INSYN1: variants seen among roughly 807,000 people sequenced by gnomAD.
INSYN1 encodes inhibitory synaptic factor 1.
INSYN1 carries 7 observed loss-of-function variants against 17.1 expected under a neutral mutation model. The observed-to-expected ratio is 0.41, with a 90% CI of 0.23 to 0.77. The LOEUF (loss-of-function observed/expected upper bound fraction) is 0.77, where lower values mean the gene tolerates loss of function less well. Ranked by LOEUF, INSYN1 falls within the 30% of genes least tolerant of loss-of-function variation. INSYN1 has a pLI of 0.32. For synonymous variants in INSYN1, 174 were observed against 166.3 expected, an observed-to-expected ratio of 1.05 and a Z score of -0.36; for missense variants, 339 against 400.6, an observed-to-expected ratio of 0.85 and a Z score of 1.31.
rs921636569 is a variant in INSYN1, at chr15:73,737,813, C to T, written c.*2104G>A. 3 of 152,254 alleles carry T rather than the reference C, an allele frequency of 2.0e-5. No homozygotes were observed. The highest frequency in any genetic ancestry group is 4.4e-5 in the Non-Finnish European group (3 of 68,084). The allele number at this position is 152,254 out of a possible 1,614,324, so 9.4% of individuals were successfully genotyped here. A position where few individuals can be genotyped will look rare whatever the true frequency, so the allele number is the denominator to read the frequency against. ...CCAGGCCTGCTGCTCAGGCCCCCTC[C>T]GGACAGACGCTGGGGGGCTGTAAAC... On this transcript the variant is annotated 3_prime_UTR_variant, in exon 3 of 3. Transcript: ENST00000569673.
chr15:73,740,662 G>A lies in INSYN1; in HGVS notation c.157-20C>T. On this transcript the variant is annotated intron_variant, in intron 2 of 2. Transcript: ENST00000569673. ...CACCACCTGACCAGGGAAGGGGAGA[G>A]GAGATGAGAGGGGCCAGGTGGGTCC... is the stretch of plus-strand genomic sequence containing the variant. 6.3e-7 allele frequency: 1 copy of A among 1,584,948 alleles called. No homozygotes were observed. Among genetic ancestry groups the A allele is most frequent in the Non-Finnish European group, 8.6e-7 (1 of 1,163,574 alleles).
At position 73,751,187 on chromosome 15, in the gene INSYN1, G is replaced by C. The variant is rs1485562868; in HGVS notation, c.-57C>G. The C allele has an allele frequency of 6.3e-7, 1 of 1,590,558 alleles. No individual in the cohort carries two copies. Among genetic ancestry groups the C allele is most frequent in the African/African-American group, 1.3e-5 (1 of 74,616 alleles). On this transcript the variant is annotated 5_prime_UTR_variant, in exon 2 of 3. Transcript: ENST00000569673. ...CTCCCCCCAGCTGGGCACACACTGC[G>C]TCTGCCTCCACGGAGCCCCCCTCGG...
chr15:73,750,854 A>G, intron 2 of INSYN1, 121 bp downstream of exon 2: 1 of 1,082,112 alleles, frequency 9.2e-7, no homozygotes, highest in Non-Finnish European at 1.4e-6. Flanking sequence ...GAAGGTCCCC[A>G]GTAGAGTGAC....
chr15:73,736,623 G>C lies in INSYN1; in HGVS notation c.*3294C>G, dbSNP rs1230833247. On this transcript the variant is annotated 3_prime_UTR_variant, in exon 3 of 3. Coordinates refer to ENST00000569673, the MANE Select transcript of INSYN1 (RefSeq NM_001039614.3). ...CAAAACAAAAAAAAATTGGCCAGGCGTAGTGGCCCACGCCTGTAATCCCAG... is the reference window on the plus strand; with the variant it reads ...CAAAACAAAAAAAAATTGGCCAGGCCTAGTGGCCCACGCCTGTAATCCCAG... 6.6e-6 allele frequency: 1 copy of C among 152,186 alleles called. No homozygotes were observed. Among genetic ancestry groups the C allele is most frequent in the Admixed American group, 6.5e-5 (1 of 15,268 alleles). 9.4% of individuals were successfully genotyped at this position (152,186 alleles called of 1,614,324 possible).
At chr15:73,750,807 A>G (rs1054956518) in intron 2 of INSYN1, among the ~76,000 whole-genome samples, 168 bp downstream of exon 2, 2 of 152,206 alleles carry the variant, frequency 1.3e-5, no homozygotes, top group African/African-American at 4.8e-5. Context: ...TGAGATTTTT[A>G]GCAAAGCAGA....
Position 73,740,318 on chromosome 15 carries a change from T to C in INSYN1, c.481A>G (p.Ser161Gly). Reference sequence around the variant, plus strand: ...GGGCCAGCACCAAAGGCCTCCTCACTGGAGGAGTCTGGGGTCTCCACTCGT... The same window carrying C: ...GGGCCAGCACCAAAGGCCTCCTCACCGGAGGAGTCTGGGGTCTCCACTCGT... The part of the protein sequence containing the change: ...GPRVETPDSS[S>G]EEAFGAGPTV... The change falls in exon 3 of 3, where the codon AGT becomes GGT. Residue 161 changes from serine (S) to glycine (G), a missense_variant. Physicochemically the swap from Ser to Gly is moderately conservative, Grantham distance 56. Coordinates refer to ENST00000569673, the MANE Select transcript of INSYN1 (RefSeq NM_001039614.3). The C allele has an allele frequency of 1.2e-6, 2 of 1,611,874 alleles. No individual in the cohort carries two copies. Among genetic ancestry groups the C allele is most frequent in the Non-Finnish European group, 1.7e-6 (2 of 1,178,964 alleles).
chr15:73,742,169 T>C (rs751334420), intron 2 of INSYN1, among the ~76,000 whole-genome samples: 4 of 152,166 alleles, frequency 2.6e-5, no homozygotes, highest in Non-Finnish European at 4.4e-5. Flanking sequence ...CCCTCAACCA[T>C]TGCCCAGGCC....
chr15:73,740,514 C>T lies in INSYN1; in HGVS notation c.285G>A (p.Leu95=). The T allele has an allele frequency of 1.2e-6, 2 of 1,614,064 alleles. No homozygotes were observed. Among genetic ancestry groups the T allele is most frequent in the Non-Finnish European group, 1.7e-6 (2 of 1,180,036 alleles). The change falls in exon 3 of 3, where the codon CTG becomes CTA. Residue 95 remains leucine (L), a synonymous_variant. Transcript: ENST00000569673. ...CGGCTGTCATGAAGTCCAGGTGGCC[C>T]AGGTCAAAGGGGCCACCCATGCCCG... ...DKAGMGGPFD[L]GHLDFMTADI...
At position 73,740,054 on chromosome 15, in the gene INSYN1, G is replaced by A. The variant is rs140433512; in HGVS notation, c.745C>T (p.His249Tyr). 161 of 1,613,734 alleles carry A rather than the reference G, an allele frequency of 1.0e-4. No homozygotes were observed. In the African/African-American group the frequency reaches 2.0e-3, roughly 20 times the overall value. The change falls in exon 3 of 3, where the codon CAC (histidine) becomes TAC (tyrosine). Residue 249 changes from histidine to tyrosine, a missense_variant. Physicochemically the swap from His to Tyr is moderately conservative, Grantham distance 83. Coordinates refer to ENST00000569673, the MANE Select transcript of INSYN1 (RefSeq NM_001039614.3). Reference protein sequence around the residue: ...KSRRSPLTSRHSGSTLAPEQT... With the variant: ...KSRRSPLTSRYSGSTLAPEQT... ...TCAGGGGCCAAGGTAGAGCCTGAGT[G>A]GCGGCTGGTCAGTGGAGAGCGCCGT...
intron 2 of INSYN1, among the ~76,000 whole-genome samples, chr15:73,746,528 G>A (rs1567036751): frequency 6.6e-6 from 1 of 152,094 alleles, no homozygotes; most frequent in South Asian, 2.1e-4. Context: ...GCCCCTTGCC[G>A]ATGGGACTGC....
intron 2 of INSYN1, among the ~76,000 whole-genome samples, chr15:73,748,149 A>G (rs577047193): frequency 6.6e-6 from 1 of 152,284 alleles, no homozygotes; most frequent in Admixed American, 6.5e-5. Context: ...CCACATCCCA[A>G]TTTCAGAGAT....
chr15:73,738,227 A>G lies in INSYN1; in HGVS notation c.*1690T>C, dbSNP rs1024836734. On this transcript the variant is annotated 3_prime_UTR_variant, in exon 3 of 3. Transcript: ENST00000569673. ...CAGACCCATTATACAGAGGAGGTAG[A>G]TAGGCTCAGAGAGGCAAACGGACTT... 2 of 152,260 alleles carry G rather than the reference A, an allele frequency of 1.3e-5. No homozygotes were observed. The highest frequency in any genetic ancestry group is 4.8e-5 in the African/African-American group (2 of 41,458). 9.4% of individuals were successfully genotyped at this position (152,260 alleles called of 1,614,324 possible). A position where few individuals can be genotyped will look rare whatever the true frequency, so the allele number is the denominator to read the frequency against.
rs1342562903 is a variant in INSYN1 at position 73,753,042 on chromosome 15, CCTCCCGTCCGTTCGCTCTCGG to C, written c.-1521_-1501del. Among the ~76,000 whole-genome samples, 2 of 150,068 alleles carry C rather than the reference CCTCCCGTCCGTTCGCTCTCGG, an allele frequency of 1.3e-5. No individual in the cohort carries two copies. The highest frequency in any genetic ancestry group is 4.9e-5 in the African/African-American group (2 of 41,182). ...TCGCAGCCTCCGCTCGGCTCCGCTA[CCTCCCGTCCGTTCGCTCTCGG>C]CTCCCCGCCTCAGCAGCCCCCGGGC... is the stretch of plus-strand genomic sequence containing the variant. On this transcript the variant is annotated 5_prime_UTR_variant, in exon 1 of 3. Transcript: ENST00000569673. This position sits in a 1 kb window ranked among gnomAD's most constrained non-coding sequence, Gnocchi z 4.2.
chr15:73,738,160 C>T lies in INSYN1; in HGVS notation c.*1757G>A, dbSNP rs962013549. On this transcript the variant is annotated 3_prime_UTR_variant, in exon 3 of 3. Transcript: ENST00000569673. ...TCAAGTGCTTTCACAGTCACCATCT[C>T]GTCGGAGCTCCACAGCAGCTGGTGA... is the stretch of plus-strand genomic sequence containing the variant. The T allele has an allele frequency of 3.9e-5, 6 of 152,290 alleles. No individual in the cohort carries two copies. Among genetic ancestry groups the T allele is most frequent in the Admixed American group, 6.5e-5 (1 of 15,284 alleles). The allele number at this position is 152,290 out of a possible 1,614,324, so 9.4% of individuals were successfully genotyped here.
In INSYN1 at chr15:73,750,971, T is replaced by C. The variant is rs775169867; in HGVS notation, c.156+4A>G. Reference sequence around the variant, plus strand: ...TGTCTGGTCCCTCCTCACCCCTCACTTACCTCCCTCAGCTCCTTGGCCACC... The same window carrying C: ...TGTCTGGTCCCTCCTCACCCCTCACCTACCTCCCTCAGCTCCTTGGCCACC... On this transcript the variant is annotated splice_donor_region_variant and intron_variant, in intron 2 of 2. Transcript: ENST00000569673. 24 of 1,613,876 alleles carry C rather than the reference T, an allele frequency of 1.5e-5. No individual in the cohort carries two copies. The highest frequency in any genetic ancestry group is 1.2e-5 in the Non-Finnish European group (14 of 1,180,006).
rs1386568985 is a variant in INSYN1, at chr15:73,753,323, C to T, written c.-1781G>A. Among the ~76,000 whole-genome samples, 3 of 150,992 alleles carry T rather than the reference C, an allele frequency of 2.0e-5. No individual in the cohort carries two copies. Among genetic ancestry groups the T allele is most frequent in the East Asian group, 4.0e-4 (2 of 5,060 alleles). On this transcript the variant is annotated 5_prime_UTR_variant, in exon 1 of 3. Coordinates refer to ENST00000569673, the MANE Select transcript of INSYN1 (RefSeq NM_001039614.3). This position sits in a 1 kb window ranked among gnomAD's most constrained non-coding sequence, Gnocchi z 4.2. ...AGGCCGCCCGGCTCGCTTGGCTCCG[C>T]TTGCCTCGGCGCTGTCAGGGAAGGG... is the stretch of plus-strand genomic sequence containing the variant.
chr15:73,751,074 A>G lies in INSYN1; in HGVS notation c.57T>C (p.Gly19=), dbSNP rs768626309. ...GCTGTCGAATCCGCTCCCGCTCACC[A>G]CCACTGCTGGGGTCGTCACTGGGCT... ...LGQPSDDPSS[G]GERERIRQRM... The change falls in exon 2 of 3, where the codon GGT becomes GGC. Residue 19 remains glycine (G), a synonymous_variant. Transcript: ENST00000569673. 1.9e-6 allele frequency: 3 copies of G among 1,613,762 alleles called. No homozygotes were observed. The Admixed American group carries it at 5.0e-5, about 27-fold the overall frequency.
rs759511573 is a variant in INSYN1 at position 73,740,538 on chromosome 15, C to T, written c.261G>A (p.Ala87=). 3.7e-6 allele frequency: 6 copies of T among 1,614,040 alleles called. No homozygotes were observed. Among genetic ancestry groups the T allele is most frequent in the East Asian group, 2.2e-5 (1 of 44,894 alleles). ...TVSSTSSSDK[A]GMGGPFDLGH... ...CCAGGTCAAAGGGGCCACCCATGCC[C>T]GCCTTGTCACTGCTAGAGGTGCTGC... The change falls in exon 3 of 3, where the codon GCG becomes GCA. Residue 87 remains alanine, a synonymous_variant. Coordinates refer to ENST00000569673, the MANE Select transcript of INSYN1 (RefSeq NM_001039614.3).
chr15:73,739,934 C>G lies in INSYN1; in HGVS notation c.865G>C (p.Ala289Pro), dbSNP rs761764263. The change falls in exon 3 of 3, where the codon GCC becomes CCC. Residue 289 changes from alanine to proline, a missense_variant. Physicochemically the swap from Ala to Pro is conservative, Grantham distance 27. Coordinates refer to ENST00000569673, the MANE Select transcript of INSYN1 (RefSeq NM_001039614.3). ...CCCGGCCCCTAGTTTTTCCCCCTGG[C>G]TTTCTGTCTAGTGGCTGTGTAGGGC... The part of the protein sequence containing the change: ...VLPYTATRQK[A>P]RGKN 4.1e-6 allele frequency: 6 copies of G among 1,453,964 alleles called. No individual in the cohort carries two copies. In the Admixed American group the frequency reaches 5.4e-5, roughly 13 times the overall value. The allele number at this position is 1,453,964 out of a possible 1,614,324, so 90.1% of individuals were successfully genotyped here. A position where few individuals can be genotyped will look rare whatever the true frequency, so the allele number is the denominator to read the frequency against.
Sources: gnomAD v4.1 joint callset for allele counts (sites outside exome capture counted in the v4.1 genomes callset) on GRCh38, gnomAD v4.1.1 for gene constraint, Gnocchi (gnomAD v3.1) non-coding constraint, MANE v1.5 for transcripts, NCBI Gene and HGNC (gene_info 2026-07-23, HGNC 2026-07-21) for gene names.